Variants in MICAL3 observed in about 807,000 individuals in gnomAD.
MICAL3 encodes [F-actin]-monooxygenase MICAL3.
A neutral mutation model predicts 207.4 loss-of-function variants in MICAL3; 62 were observed. The ratio of observed to expected loss-of-function variants is 0.30; its 90% CI spans 0.24 to 0.37. MICAL3 has a LOEUF of 0.37. Among genes scored for constraint, MICAL3 ranks in the 10% least tolerant of loss-of-function variants. The probability of loss-of-function intolerance (pLI) is 1.00; values close to 1 mark genes in which losing one functional copy is unlikely to be tolerated. For missense variants in MICAL3, 2,368 were observed against 2,635.6 expected (o/e 0.90, Z 2.22); for synonymous variants, 1,077 against 1,069.3 (o/e 1.01, Z -0.14).
At chr22:17,853,679 G>A (rs1351177862) in intron 19 of MICAL3, among the ~76,000 whole-genome samples, 5 of 152,222 alleles carry the variant, frequency 3.3e-5, no homozygotes, top group Admixed American at 1.3e-4. Context: ...GGTTATGACA[G>A]CAAGCATGAC....
intron 1 of MICAL3, among the ~76,000 whole-genome samples, chr22:17,963,422 C>G (rs944529932): frequency 6.6e-6 from 1 of 152,086 alleles, no homozygotes; most frequent in African/African-American, 2.4e-5. Context: ...ATTTTGCTCC[C>G]CTTGCCTTCA....
intron 19 of MICAL3, among the ~76,000 whole-genome samples, chr22:17,849,254 T>G (rs1417991583): frequency 1.3e-5 from 2 of 152,214 alleles, no homozygotes; most frequent in Admixed American, 6.5e-5. Context: ...GTCAGTGATG[T>G]TGAATAACAT....
intron 17 of MICAL3, among the ~76,000 whole-genome samples, chr22:17,869,703 C>T (rs1033551587): frequency 6.6e-6 from 1 of 152,114 alleles, no homozygotes; most frequent in African/African-American, 2.4e-5. Context: ...AGTCACAATC[C>T]CTGAATCTCT....
rs772776110 is a variant in MICAL3, at chr22:17,796,591, T to C, written c.5651-5290A>G. On this transcript the variant is annotated intron_variant, in intron 29 of 31. Transcript: ENST00000441493. This position sits in a 1 kb window ranked among gnomAD's most constrained non-coding sequence, Gnocchi z 4.4. ...AGAGCTTTCCCTCTTCAACACAGGC[T>C]CCAGGCAAATGTAACAAATGCTGGC... Among the ~76,000 whole-genome samples, 4 of 152,212 alleles carry C rather than the reference T, an allele frequency of 2.6e-5. No homozygotes were observed. The highest frequency in any genetic ancestry group is 5.9e-5 in the Non-Finnish European group (4 of 68,040).
chr22:17,895,171 A>G, intron 10 of MICAL3, 113 bp downstream of exon 10: 1 of 1,124,678 alleles, frequency 8.9e-7, no homozygotes, highest in Non-Finnish European at 1.3e-6. Context: ...CTGGATGACT[A>G]AAAAAGTATC....
chr22:17,863,841 C>T, intron 19 of MICAL3: 1 of 985,514 alleles, frequency 1.0e-6, no homozygotes, highest in East Asian at 1.1e-4. Flanking sequence ...CATGGAAATT[C>T]TATGACCAAC....
At chr22:17,986,124 C>T (rs916970649) in intron 1 of MICAL3, among the ~76,000 whole-genome samples, 1 of 152,034 alleles carries the variant, frequency 6.6e-6, no homozygotes, top group East Asian at 2.0e-4. Flanking sequence ...CCAGTCTGAT[C>T]TTGAACTCCT....
intron 1 of MICAL3, among the ~76,000 whole-genome samples, chr22:17,976,557 GTGTGTATATATATA>G (rs1194329534): frequency 4.9e-5 from 4 of 81,318 alleles, no homozygotes; most frequent in African/African-American, 7.8e-5. Flanking sequence ...GTGTGTGTGT[GTGTGTATATATATA>G]TATATATATA....
At chr22:17,883,370 A>C (rs929041400) in intron 16 of MICAL3, among the ~76,000 whole-genome samples, 4 of 152,184 alleles carry the variant, frequency 2.6e-5, no homozygotes, top group African/African-American at 9.7e-5. Flanking sequence ...TTTTTGCCTG[A>C]ATGTAAGTAA....
Position 17,943,761 on chromosome 22 carries a change from G to A in MICAL3, c.-74-36875C>T, listed in dbSNP as rs561694809. On this transcript the variant is annotated intron_variant, in intron 1 of 31. Transcript: ENST00000441493. ...CCCATAGAGAAAACAATCAGTTTGA[G>A]CTTTATGCCATGACATCATCAGCCA... Among the ~76,000 whole-genome samples, 27 of 152,326 alleles carry A rather than the reference G, an allele frequency of 1.8e-4. No homozygotes were observed. In the South Asian group the frequency reaches 3.5e-3, roughly 20 times the overall value.
At chr22:17,885,752 G>A (rs1929812842) in intron 16 of MICAL3, 126 bp downstream of exon 16, 1 of 995,714 alleles carries the variant, frequency 1.0e-6, no homozygotes, top group Admixed American at 2.0e-5. Flanking sequence ...TCAGGCGAGG[G>A]AAAGCCAGAT....
chr22:17,795,585 A>G (rs2145954161), intron 29 of MICAL3, among the ~76,000 whole-genome samples: 1 of 152,368 alleles, frequency 6.6e-6, no homozygotes, highest in South Asian at 2.1e-4. Flanking sequence ...ATAACAGAAT[A>G]CTGGGAACAG....
At chr22:17,829,692 C>T (rs149581970) in intron 21 of MICAL3, among the ~76,000 whole-genome samples, 1,624 of 152,350 alleles carry the variant, frequency 0.011, 16 homozygotes, top group Non-Finnish European at 0.016. Context: ...GCCAGCATTT[C>T]CTCCTTTCTC....
intron 1 of MICAL3, among the ~76,000 whole-genome samples, chr22:17,966,059 G>C (rs546419181): frequency 3.3e-5 from 5 of 152,334 alleles, no homozygotes; most frequent in African/African-American, 1.2e-4. Context: ...AGAGGAGTCG[G>C]AGGTAACTCC....
At chr22:17,895,495 GC>G (rs1930751608) in intron 9 of MICAL3, 85 bp from the exon 10 acceptor site, 2 of 1,483,520 alleles carry the variant, frequency 1.3e-6, no homozygotes, top group Non-Finnish European at 1.9e-6. Context: ...TGACAGCGCA[GC>G]AAGTCACCTG....
chr22:17,864,676 T>C, intron 19 of MICAL3: 2 of 1,608,678 alleles, frequency 1.2e-6, no homozygotes, highest in South Asian at 2.2e-5. Flanking sequence ...AGCCTGCCAG[T>C]GGAACTCCCC....
Position 17,902,734 on chromosome 22 carries a change from G to C in MICAL3, c.486C>G (p.Leu162=), listed in dbSNP as rs1160917095. 6.3e-7 allele frequency: 1 copy of C among 1,590,766 alleles called. No homozygotes were observed. Among genetic ancestry groups the C allele is most frequent in the Non-Finnish European group, 8.6e-7 (1 of 1,165,174 alleles). ...GAIDHISIRQ[L]QLILLKVALI... ...AGGCTACTTTCAAAAGTATTAGTTG[G>C]AGCTGACGGATACCTGGGAGAATAC... Residue 162 remains leucine, a synonymous_variant, in exon 4 of 32, where the codon CTC becomes CTG. Coordinates refer to ENST00000441493, the MANE Select transcript of MICAL3 (RefSeq NM_015241.3). The surrounding 1 kb of genome is among the most constrained non-coding windows in gnomAD (Gnocchi z 4.5).
At chr22:17,848,063 T>C (rs1217954353) in intron 19 of MICAL3, among the ~76,000 whole-genome samples, 7 of 152,174 alleles carry the variant, frequency 4.6e-5, no homozygotes, top group East Asian at 1.9e-4. Context: ...CATGAACCCA[T>C]TCTGAACCGC....
chr22:17,875,734 A>C lies in MICAL3; in HGVS notation c.2242-3711T>G, dbSNP rs984564765. ...TCCAGAAGCATAAGCGGCCCATGCA[A>C]GGCTTCCGTTTTGCTTTTAACTGTC... On this transcript the variant is annotated intron_variant, in intron 16 of 31. Transcript: ENST00000441493. Among the ~76,000 whole-genome samples, 3 of 150,876 alleles carry C rather than the reference A, an allele frequency of 2.0e-5. No individual in the cohort carries two copies. In the South Asian group the frequency reaches 6.3e-4, roughly 31 times the overall value.
Sources: gnomAD v4.1 joint callset for allele counts (sites outside exome capture counted in the v4.1 genomes callset) on GRCh38, gnomAD v4.1.1 for gene constraint, Gnocchi (gnomAD v3.1) non-coding constraint, MANE v1.5 for transcripts, NCBI Gene and HGNC (gene_info 2026-07-23, HGNC 2026-07-21) for gene names.